The following MACROD2 variants were observed in gnomAD, a reference collection of about 807,000 sequenced individuals.
MACROD2 encodes ADP-ribose glycohydrolase MACROD2.
A neutral mutation model predicts 70.4 loss-of-function variants in MACROD2; 36 were observed. The ratio of observed to expected loss-of-function variants is 0.51; its 90% confidence interval spans 0.39 to 0.68. MACROD2 has a LOEUF of 0.68. Ranked by LOEUF, MACROD2 falls within the 30% of genes least tolerant of loss-of-function variation. The pLI is 0.00. For missense variants in MACROD2, 496 were observed against 538.4 expected, an observed-to-expected ratio of 0.92 and a Z score of 0.78; for synonymous variants, 172 against 178.8, an observed-to-expected ratio of 0.96 and a Z score of 0.30.
intron 4 of MACROD2, among the ~76,000 whole-genome samples, chr20:14,593,872 G>T (rs1275687397): frequency 6.6e-6 from 1 of 152,086 alleles, no homozygotes; most frequent in African/African-American, 2.4e-5. Context: ...TAAGAATTTA[G>T]AATTGTTTAC....
At chr20:15,370,808 T>C (rs181362528) in intron 6 of MACROD2, among the ~76,000 whole-genome samples, 138 of 151,866 alleles carry the variant, frequency 9.1e-4, no homozygotes, top group African/African-American at 3.2e-3. Context: ...AGATGAAAAA[T>C]CAGAACACAG....
Position 14,134,801 on chromosome 20 carries a change from C to CAAAAAA in MACROD2, c.271+49089_271+49094dup. 1.0e-4 allele frequency among the ~76,000 whole-genome samples: 10 copies of CAAAAAA among 98,278 alleles called. 1 individual carries two copies. Among genetic ancestry groups the CAAAAAA allele is most frequent in the African/African-American group, 1.2e-4 (3 of 24,144 alleles). 64.5% of individuals were successfully genotyped at this position (98,278 alleles called of 152,430 possible). A position where few individuals can be genotyped will look rare whatever the true frequency, so the allele number is the denominator to read the frequency against. On this transcript the variant is annotated intron_variant, in intron 3 of 17. Coordinates refer to ENST00000684519, the MANE Select transcript of MACROD2 (RefSeq NM_001351661.2). ...GCCTGGCGACAGTGAGACTCCGTGT[C>CAAAAAA]AAAAAAAAAAAAAAAAAAAAACAGC...
At chr20:14,677,848 C>T (rs1372029066) in intron 4 of MACROD2, among the ~76,000 whole-genome samples, 1 of 152,064 alleles carries the variant, frequency 6.6e-6, no homozygotes, top group African/African-American at 2.4e-5. Flanking sequence ...CTGAGACATA[C>T]CTAGGGCAAT....
chr20:14,240,774 A>G (rs1330767667), intron 3 of MACROD2, among the ~76,000 whole-genome samples: 1 of 152,220 alleles, frequency 6.6e-6, no homozygotes, highest in African/African-American at 2.4e-5. Context: ...TAATCAGTAC[A>G]CTAAATGCTC....
chr20:15,264,270 G>A (rs1421768510), intron 6 of MACROD2, among the ~76,000 whole-genome samples: 1 of 152,142 alleles, frequency 6.6e-6, no homozygotes, highest in Non-Finnish European at 1.5e-5. Context: ...AATGTGGACT[G>A]TTTTCAAGCA....
chr20:15,526,599 A>T (rs962487354), intron 8 of MACROD2, among the ~76,000 whole-genome samples: 4 of 152,206 alleles, frequency 2.6e-5, no homozygotes, highest in Non-Finnish European at 5.9e-5. Flanking sequence ...TTCTGATTTG[A>T]CTTTTTACTG....
intron 5 of MACROD2, among the ~76,000 whole-genome samples, chr20:14,931,240 G>A (rs1303114171): frequency 6.6e-6 from 1 of 152,134 alleles, no homozygotes; most frequent in African/African-American, 2.4e-5. Flanking sequence ...GAGACATAGG[G>A]TTTATAGAAG....
At chr20:15,096,642 G>A (rs965488693) in intron 5 of MACROD2, among the ~76,000 whole-genome samples, 4 of 150,924 alleles carry the variant, frequency 2.7e-5, no homozygotes, top group Admixed American at 2.0e-4. Context: ...CTTCTGAGTA[G>A]CTGAGACTAT....
chr20:15,853,061 TAAAA>T (rs1485117802), intron 8 of MACROD2, among the ~76,000 whole-genome samples: 1 of 152,066 alleles, frequency 6.6e-6, no homozygotes, highest in Non-Finnish European at 1.5e-5. Flanking sequence ...CTATAACAGA[TAAAA>T]AAGGTGCCCC....
At chr20:15,995,322 CTTT>C (rs201165883) in intron 15 of MACROD2, among the ~76,000 whole-genome samples, 1 of 141,690 alleles carries the variant, frequency 7.1e-6, no homozygotes. Flanking sequence ...GGATGTAAGT[CTTT>C]TTTTTTTTTT....
At chr20:15,038,667 G>A (rs2075332503) in intron 5 of MACROD2, among the ~76,000 whole-genome samples, 1 of 152,138 alleles carries the variant, frequency 6.6e-6, no homozygotes, top group South Asian at 2.1e-4. Flanking sequence ...TTGTTATTAA[G>A]GGGTGACGTT....
chr20:14,899,106 G>A (rs1053920144), intron 5 of MACROD2, among the ~76,000 whole-genome samples: 2 of 152,180 alleles, frequency 1.3e-5, no homozygotes, highest in East Asian at 1.9e-4. Context: ...AGGCAGAGTT[G>A]TTGTTCCTGA....
In MACROD2 at chr20:14,943,998, G is replaced by A. The variant is rs187964445; in HGVS notation, c.418+259039G>A. Among the ~76,000 whole-genome samples the A allele has an allele frequency of 1.7e-3, 264 of 152,048 alleles. 1 individual carries two copies. The highest frequency in any genetic ancestry group is 3.7e-3 in the South Asian group (18 of 4,808). ...ATCATATGGTAAAATCTGACCTTCC[G>A]GTGCTCTTCCCTATGAATTTTAACA... On this transcript the variant is annotated intron_variant, in intron 5 of 17. Transcript: ENST00000684519.
chr20:15,183,938 C>G (rs1348991118), intron 5 of MACROD2, among the ~76,000 whole-genome samples: 1 of 152,154 alleles, frequency 6.6e-6, no homozygotes, highest in Non-Finnish European at 1.5e-5. Context: ...GAAGGAGTGT[C>G]AAACTCAACT....
intron 5 of MACROD2, among the ~76,000 whole-genome samples, chr20:14,973,295 G>T (rs1327322668): frequency 6.8e-6 from 1 of 146,620 alleles, no homozygotes; most frequent in African/African-American, 2.6e-5. Context: ...GCAGTGGTGC[G>T]ATCTTGGTTC....
intron 5 of MACROD2, among the ~76,000 whole-genome samples, chr20:14,728,325 A>G (rs2071553812): frequency 6.6e-6 from 1 of 152,216 alleles, no homozygotes; most frequent in African/African-American, 2.4e-5. Flanking sequence ...TAATTTAAAC[A>G]TTCCTTTTTG....
intron 15 of MACROD2, among the ~76,000 whole-genome samples, chr20:16,016,629 G>A (rs1167518580): frequency 4.6e-5 from 7 of 152,124 alleles, no homozygotes; most frequent in Admixed American, 1.3e-4. Flanking sequence ...TCTGCCTCCC[G>A]GGTTCAAGCG....
At chr20:14,528,047 T>C (rs759701960) in intron 4 of MACROD2, among the ~76,000 whole-genome samples, 7 of 152,146 alleles carry the variant, frequency 4.6e-5, no homozygotes, top group Non-Finnish European at 1.5e-5. Context: ...TAAAATCTTA[T>C]ATAATCTTAT....
intron 5 of MACROD2, among the ~76,000 whole-genome samples, chr20:15,113,763 A>AGTGTGTGTGTGTGTGTGTGTGT (rs71340210): frequency 5.5e-5 from 8 of 144,240 alleles, no homozygotes; most frequent in South Asian, 4.8e-4. Flanking sequence ...GTAGTCTTGA[A>AGTGTGTGTGTGTGTGTGTGTGT]GTGTGTGTGT....
Sources: gnomAD v4.1 joint callset for allele counts (sites outside exome capture counted in the v4.1 genomes callset) on GRCh38, gnomAD v4.1.1 for gene constraint, MANE v1.5 for transcripts, NCBI Gene and HGNC (gene_info 2026-07-23, HGNC 2026-07-21) for gene names.